The following TAS1R2 variants were observed in gnomAD, a reference collection of about 807,000 sequenced individuals.
The protein encoded by TAS1R2 is taste 1 receptor member 2, also known as taste receptor type 1 member 2.
Under a neutral mutation model 49.3 loss-of-function variants are expected in TAS1R2, and 47 were observed. The observed-to-expected ratio is 0.95, with a 90% CI of 0.75 to 1.22. The LOEUF (loss-of-function observed/expected upper bound fraction) is 1.22. TAS1R2 is among the 50% of genes most tolerant of loss of function. TAS1R2 has a pLI of 0.00. For missense variants in TAS1R2, 1,155 were observed against 1,122.1 expected (o/e 1.03, Z -0.42); for synonymous variants, 479 against 467.9 (o/e 1.02, Z -0.31).
rs756517501 is a variant in TAS1R2 at position 18,854,944 on chromosome 1, G to C, written c.526C>G (p.Arg176Gly). The C allele has an allele frequency of 7.9e-5, 127 of 1,607,484 alleles. No individual in the cohort carries two copies. Among genetic ancestry groups the C allele is most frequent in the Non-Finnish European group, 7.0e-5 (82 of 1,174,636 alleles). ...GTGGTACGCAGCAAAGCCGGGAAGC[G>C]CACCTTGTCTCGCAGCTCATCGCTG... The change falls in exon 3 of 6, where the codon CGC becomes GGC. Residue 176 changes from arginine (R) to glycine (G), a missense_variant. Physicochemically the swap from Arg to Gly is moderately radical, Grantham distance 125. Transcript: ENST00000375371. This position sits in a 1 kb window ranked among gnomAD's most constrained non-coding sequence, Gnocchi z 4.9.
rs375347091 is a variant in TAS1R2 at position 18,854,664 on chromosome 1, G to A, written c.806C>T (p.Ala269Val). Residue 269 changes from alanine (A) to valine (V), a missense_variant, in exon 3 of 6, where the codon GCG (alanine) becomes GTG (valine). Transcript: ENST00000375371. This position sits in a 1 kb window ranked among gnomAD's most constrained non-coding sequence, Gnocchi z 4.9. Reference sequence around the variant, plus strand: ...GGGCGAGAACACGACCACGACGCGCGCTGTGCTCTGCTGCAGCTTGTCCAC... The same window carrying A: ...GGGCGAGAACACGACCACGACGCGCACTGTGCTCTGCTGCAGCTTGTCCAC... 2.6e-5 allele frequency: 42 copies of A among 1,613,818 alleles called. 1 individual carries two copies. The highest frequency in any genetic ancestry group is 1.2e-4 in the Admixed American group (7 of 59,990).
intron 4 of TAS1R2, among the ~76,000 whole-genome samples, chr1:18,843,558 A>T (rs1173593302): frequency 6.6e-6 from 1 of 152,258 alleles, no homozygotes; most frequent in Non-Finnish European, 1.5e-5. Flanking sequence ...GTTTCAAGGC[A>T]GAGGGTAACA....
At chr1:18,840,641 C>G in intron 5 of TAS1R2, 114 bp from the exon 6 acceptor site, 1 of 1,092,284 alleles carries the variant, frequency 9.2e-7, no homozygotes, top group South Asian at 1.4e-5. Context: ...CAAGGGCAAC[C>G]CTTGCATTCA....
At chr1:18,846,848 G>A (rs1412348000) in intron 4 of TAS1R2, among the ~76,000 whole-genome samples, 1 of 152,196 alleles carries the variant, frequency 6.6e-6, no homozygotes, top group Admixed American at 6.5e-5. Flanking sequence ...CCTGGTGGGA[G>A]GTGATTGGAT....
intron 4 of TAS1R2, among the ~76,000 whole-genome samples, chr1:18,848,759 G>A (rs57121661): frequency 0.055 from 8,365 of 152,262 alleles, 283 homozygotes; most frequent in South Asian, 0.16. Context: ...CTCCTTATGA[G>A]AATCTAATGT....
chr1:18,848,567 C>T (rs1178325469), intron 4 of TAS1R2, among the ~76,000 whole-genome samples: 3 of 152,118 alleles, frequency 2.0e-5, no homozygotes, highest in African/African-American at 7.2e-5. Context: ...GGAACCTGGG[C>T]CACACAGCAG....
At chr1:18,840,117 C>A (rs755734470) in exon 6 of TAS1R2, 11 of 1,614,214 alleles carry the variant, frequency 6.8e-6, no homozygotes, top group Non-Finnish European at 9.3e-6. Flanking sequence ...TAGCTGTAGG[C>A]GCGTGGGAAG....
chr1:18,854,760 T>C lies in TAS1R2; in HGVS notation c.710A>G (p.Gln237Arg). ...GGGCTGCAGTGTGGGCAGCGTCTCCTGGAAGGCGATGCAGATGTCGCGCCG... is the reference window on the plus strand; with the variant it reads ...GGGCTGCAGTGTGGGCAGCGTCTCCCGGAAGGCGATGCAGATGTCGCGCCG... Residue 237 changes from glutamine (Q) to arginine (R), a missense_variant, in exon 3 of 6, where the codon CAG (glutamine) becomes CGG (arginine). Gln to Arg is a conservative substitution (Grantham distance 43, BLOSUM62 1). Coordinates refer to ENST00000375371, the Ensembl canonical transcript of TAS1R2. The surrounding 1 kb of genome is among the most constrained non-coding windows in gnomAD (Gnocchi z 4.9). The C allele has an allele frequency of 6.2e-7, 1 of 1,610,102 alleles. No homozygotes were observed. Among genetic ancestry groups the C allele is most frequent in the Admixed American group, 1.7e-5 (1 of 59,870 alleles).
intron 3 of TAS1R2, among the ~76,000 whole-genome samples, chr1:18,851,287 C>T (rs770120785): frequency 4.6e-5 from 7 of 152,064 alleles, no homozygotes; most frequent in Admixed American, 3.3e-4. Flanking sequence ...GAGAAGAGCT[C>T]GCAACCCTGA....
chr1:18,855,625 G>A (rs1013306167), intron 2 of TAS1R2, among the ~76,000 whole-genome samples: 1 of 152,184 alleles, frequency 6.6e-6, no homozygotes, highest in Non-Finnish European at 1.5e-5. Flanking sequence ...CCATTTCCAC[G>A]TCAACAACTC....
At chr1:18,857,524 T>C (rs183635281) in exon 2 of TAS1R2, 2 of 1,614,162 alleles carry the variant, frequency 1.2e-6, no homozygotes, top group East Asian at 4.5e-5. Context: ...ATCCACGATC[T>C]CATAGCCCAG....
At chr1:18,845,057 C>G (rs779234797) in intron 4 of TAS1R2, among the ~76,000 whole-genome samples, 1 of 152,194 alleles carries the variant, frequency 6.6e-6, no homozygotes, top group Non-Finnish European at 1.5e-5. Flanking sequence ...CTTTTCCTCT[C>G]TGGGAAAATT....
At chr1:18,859,439 C>T (rs1444820502) in intron 1 of TAS1R2, 40 bp downstream of exon 1, 2 of 1,611,204 alleles carry the variant, frequency 1.2e-6, no homozygotes, top group Middle Eastern at 1.7e-4. Flanking sequence ...CCTCCCACCC[C>T]ATCCCCACTG....
At position 18,854,670 on chromosome 1, in the gene TAS1R2, C is replaced by T. The variant is rs1237767350; in HGVS notation, c.800G>A (p.Ser267Asn). The T allele has an allele frequency of 1.2e-6, 2 of 1,613,838 alleles. No individual in the cohort carries two copies. Among genetic ancestry groups the T allele is most frequent in the Non-Finnish European group, 1.7e-6 (2 of 1,179,978 alleles). Residue 267 changes from serine (S) to asparagine (N), a missense_variant, in exon 3 of 6, where the codon AGC becomes AAC. Transcript: ENST00000375371. The surrounding 1 kb of genome is among the most constrained non-coding windows in gnomAD (Gnocchi z 4.9). ...GAACACGACCACGACGCGCGCTGTG[C>T]TCTGCTGCAGCTTGTCCACAATGGT...
In TAS1R2 at chr1:18,857,547, C is replaced by G. The variant is rs543884855; in HGVS notation, c.267G>C (p.Leu89=). The G allele has an allele frequency of 2.4e-5, 38 of 1,614,224 alleles. No individual in the cohort carries two copies. In the Middle Eastern group the frequency reaches 6.6e-4, roughly 28 times the overall value. ...TCTCATAGCCCAGCAGCACACCAGG[C>G]AGCAGGCTGCTGTCATTGTTGATCT... Residue 89 remains leucine (L), a synonymous_variant, in exon 2 of 6, where the codon CTG becomes CTC. Coordinates refer to ENST00000375371, the Ensembl canonical transcript of TAS1R2.
Position 18,854,832 on chromosome 1 carries a change from T to C in TAS1R2, c.638A>G (p.Asp213Gly). The change falls in exon 3 of 6, where the codon GAC (aspartate) becomes GGC (glycine). Residue 213 changes from aspartate (D) to glycine (G), a missense_variant. Asp to Gly is a moderately conservative substitution (Grantham distance 94). Coordinates refer to ENST00000375371, the Ensembl canonical transcript of TAS1R2. This position sits in a 1 kb window ranked among gnomAD's most constrained non-coding sequence, Gnocchi z 4.9. Reference sequence around the variant, plus strand: ...CTGGCCATTGTCGCGGCCATAGGTGTCGCTGCTCACCAGCACAATGATCCA... The same window carrying C: ...CTGGCCATTGTCGCGGCCATAGGTGCCGCTGCTCACCAGCACAATGATCCA... The C allele has an allele frequency of 6.2e-7, 1 of 1,608,416 alleles. No homozygotes were observed. Among genetic ancestry groups the C allele is most frequent in the Non-Finnish European group, 8.5e-7 (1 of 1,179,536 alleles).
intron 1 of TAS1R2, among the ~76,000 whole-genome samples, chr1:18,858,024 C>T (rs981331675): frequency 6.6e-6 from 1 of 151,840 alleles, no homozygotes; most frequent in Non-Finnish European, 1.5e-5. Flanking sequence ...TCACCACAAC[C>T]TTGTGACCAT....
At chr1:18,840,334 T>A (rs1317316194) in exon 6 of TAS1R2, 1 of 1,614,066 alleles carries the variant, frequency 6.2e-7, no homozygotes, top group Admixed American at 1.7e-5. Flanking sequence ...CCGAGCGAAC[T>A]ATGGGTGTCT....
chr1:18,845,275 T>A (rs889798927), intron 4 of TAS1R2, among the ~76,000 whole-genome samples: 2 of 152,080 alleles, frequency 1.3e-5, no homozygotes, highest in African/African-American at 4.8e-5. Flanking sequence ...TCTAACCAGG[T>A]GATGAGATGA....
Sources: allele counts gnomAD v4.1 joint callset (sites outside exome capture counted in the v4.1 genomes callset), GRCh38; gene constraint gnomAD v4.1.1; non-coding constraint Gnocchi (gnomAD v3.1); transcripts MANE v1.5; gene names NCBI Gene and HGNC (gene_info 2026-07-23, HGNC 2026-07-21).